Variants in PLEKHD1 observed in about 807,000 individuals in gnomAD.
PLEKHD1 encodes pleckstrin homology domain-containing family D member 1.
In PLEKHD1, 51 loss-of-function variants were observed where a neutral mutation model predicts 69.2. The observed-to-expected ratio is 0.74, with a 90% CI of 0.59 to 0.93. PLEKHD1 has a LOEUF of 0.93. PLEKHD1 is among the 40% of genes least tolerant of loss of function. PLEKHD1 has a pLI of 0.00. For synonymous variants in PLEKHD1, 236 were observed against 244.7 expected (o/e 0.96, Z 0.33); for missense variants, 584 against 641.0 (o/e 0.91, Z 0.96).
chr14:69,507,074 A>G (rs1203439555), intron 6 of PLEKHD1, among the ~76,000 whole-genome samples: 1 of 151,660 alleles, frequency 6.6e-6, no homozygotes, highest in African/African-American at 2.4e-5. Flanking sequence ...GTATTTTTAG[A>G]AGAGACGGGG....
At chr14:69,509,728 A>G (rs147099417) in intron 6 of PLEKHD1, among the ~76,000 whole-genome samples, 1,771 of 152,258 alleles carry the variant, frequency 0.012, 24 homozygotes, top group African/African-American at 0.04. Flanking sequence ...ACCTGAGGTC[A>G]GGAGTTCGAA....
In PLEKHD1 at chr14:69,526,007, A is replaced by G. The variant is rs927671844; in HGVS notation, c.808A>G (p.Thr270Ala). ...GGAGGAGAACGAGAACCACCTGCAGACACTGGCCAATCAGAGTGAGCAGCC... is the reference window on the plus strand; with the variant it reads ...GGAGGAGAACGAGAACCACCTGCAGGCACTGGCCAATCAGAGTGAGCAGCC... ...MLEENENHLQ[T>A]LANQSEQPPP... The change falls in exon 9 of 13, where the codon ACA becomes GCA. Residue 270 changes from threonine (T) to alanine (A), a missense_variant. By Grantham distance (58) the Thr-to-Ala change is moderately conservative. Coordinates refer to ENST00000322564, the MANE Select transcript of PLEKHD1 (RefSeq NM_001161498.2). The G allele has an allele frequency of 9.7e-6, 15 of 1,551,712 alleles. No individual in the cohort carries two copies. The highest frequency in any genetic ancestry group is 1.3e-5 in the Non-Finnish European group (15 of 1,146,990).
chr14:69,517,532 G>A (rs967814379), intron 6 of PLEKHD1, among the ~76,000 whole-genome samples: 5 of 152,158 alleles, frequency 3.3e-5, no homozygotes, highest in African/African-American at 9.6e-5. Context: ...GAGGGCAGGC[G>A]CAGCACTCTC....
At chr14:69,495,836 C>T (rs1015390264) in intron 1 of PLEKHD1, among the ~76,000 whole-genome samples, 1 of 152,220 alleles carries the variant, frequency 6.6e-6, no homozygotes, top group Non-Finnish European at 1.5e-5. Flanking sequence ...TCCCAATTCC[C>T]CCTAACCTGC....
the PLEKHD1 span, among the ~76,000 whole-genome samples, chr14:69,468,150 A>G: frequency 2.6e-5 from 4 of 152,244 alleles, no homozygotes; most frequent in Non-Finnish European, 4.4e-5. Context: ...GAGTTAGTTA[A>G]GACAAGGGAG....
upstream of PLEKHD1, among the ~76,000 whole-genome samples, chr14:69,482,240 A>T (rs574059646): frequency 6.6e-6 from 1 of 152,306 alleles, no homozygotes; most frequent in East Asian, 1.9e-4. Flanking sequence ...CTTCCCCAGG[A>T]TTATCTGGGC....
At chr14:69,516,204 G>A (rs553812439) in intron 6 of PLEKHD1, among the ~76,000 whole-genome samples, 33 of 152,102 alleles carry the variant, frequency 2.2e-4, no homozygotes, top group Non-Finnish European at 3.2e-4. Flanking sequence ...AAGTTCTTCC[G>A]TTCTCTTTCT....
chr14:69,484,466 T>C (rs566796317), upstream of PLEKHD1, among the ~76,000 whole-genome samples: 27 of 151,868 alleles, frequency 1.8e-4, no homozygotes, highest in African/African-American at 6.3e-4. Context: ...CGGGGTGGTG[T>C]TGGGCGCGCG....
intron 1 of PLEKHD1, among the ~76,000 whole-genome samples, 169 bp from the exon 2 acceptor site, chr14:69,499,946 C>T (rs1882984953): frequency 1.3e-5 from 2 of 152,106 alleles, no homozygotes; most frequent in Non-Finnish European, 2.9e-5. Context: ...ACGTCACTGG[C>T]CAGCTGAGGC....
At chr14:69,509,219 A>G (rs956065122) in intron 6 of PLEKHD1, among the ~76,000 whole-genome samples, 6 of 151,848 alleles carry the variant, frequency 4.0e-5, no homozygotes, top group Non-Finnish European at 8.8e-5. Context: ...CCATTTTTTT[A>G]TTGTTGAGCT....
the PLEKHD1 span, among the ~76,000 whole-genome samples, chr14:69,475,567 G>A: frequency 6.6e-6 from 1 of 152,214 alleles, no homozygotes; most frequent in Non-Finnish European, 1.5e-5. Context: ...TGGCCCTGCT[G>A]ATGAGAACAC....
chr14:69,485,336 T>C (rs1036272987), intron 1 of PLEKHD1, among the ~76,000 whole-genome samples: 10 of 152,200 alleles, frequency 6.6e-5, no homozygotes, highest in African/African-American at 2.2e-4. Context: ...AAATTCTCTA[T>C]GGAATGAACC....
rs959224049 is a variant in PLEKHD1 at position 69,528,771 on chromosome 14, G to T, written c.*352G>T. The stretch of plus-strand genomic sequence containing the variant: ...GTCTACCACTGTGCCATCAGGCAGG[G>T]TCTGCCCCACTGAGGAAGATGGCAG... On this transcript the variant is annotated 3_prime_UTR_variant, in exon 13 of 13. Transcript: ENST00000322564. 3 of 249,382 alleles carry T rather than the reference G, an allele frequency of 1.2e-5. No individual in the cohort carries two copies. The highest frequency in any genetic ancestry group is 1.5e-5 in the Non-Finnish European group (2 of 129,160). 15.4% of individuals were successfully genotyped at this position (249,382 alleles called of 1,614,324 possible).
rs138672140 is a variant in PLEKHD1, at chr14:69,516,914, G to A, written c.556-5369G>A. On this transcript the variant is annotated intron_variant, in intron 6 of 12. Coordinates refer to ENST00000322564, the MANE Select transcript of PLEKHD1 (RefSeq NM_001161498.2). ...TCGAACTCCTGAGCTCAGGCGATCC[G>A]CCTGTCTTGGCCTCCCAAAGGGCTG... Among the ~76,000 whole-genome samples, 1,017 of 152,244 alleles carry A rather than the reference G, an allele frequency of 6.7e-3. 9 individuals are homozygous for A. The highest frequency in any genetic ancestry group is 0.018 in the African/African-American group (734 of 41,548).
At chr14:69,515,317 G>A (rs1347388652) in intron 6 of PLEKHD1, among the ~76,000 whole-genome samples, 1 of 152,212 alleles carries the variant, frequency 6.6e-6, no homozygotes, top group Non-Finnish European at 1.5e-5. Context: ...ACTCACAGAA[G>A]TGAGGAGGCC....
Position 69,527,805 on chromosome 14 carries a change from G to T in PLEKHD1, c.1224G>T (p.Arg408=), listed in dbSNP as rs1322083760. Residue 408 remains arginine, a synonymous_variant, in exon 12 of 13, where the codon CGG becomes CGT. Transcript: ENST00000322564. ...CAGGGTTCTTTGAGGAGTGCATCCGGAATGCCGAGCTGGAGGCCAAGATGC... is the reference window on the plus strand; with the variant it reads ...CAGGGTTCTTTGAGGAGTGCATCCGTAATGCCGAGCTGGAGGCCAAGATGC... ...HLKRFFEECI[R]NAELEAKMPV... 2 of 1,551,494 alleles carry T rather than the reference G, an allele frequency of 1.3e-6. No individual in the cohort carries two copies. The highest frequency in any genetic ancestry group is 2.4e-5 in the East Asian group (1 of 40,918).
chr14:69,479,566 G>A, the PLEKHD1 span, among the ~76,000 whole-genome samples: 11 of 152,234 alleles, frequency 7.2e-5, no homozygotes, highest in East Asian at 9.7e-4. Context: ...CAGCTACTCC[G>A]GAGGCCAGAG....
intron 3 of PLEKHD1, 65 bp from the exon 4 acceptor site, chr14:69,500,806 C>T: frequency 6.5e-7 from 1 of 1,537,318 alleles, no homozygotes. Context: ...CAGGGCAGAG[C>T]TGGGCCTCCA....
At chr14:69,501,228 C>T (rs2139506143) in intron 4 of PLEKHD1, 1 of 511,928 alleles carries the variant, frequency 2.0e-6, no homozygotes, top group East Asian at 3.4e-5. Context: ...ACCCATCTCA[C>T]CTCCCCAGGC....
Sources: gnomAD v4.1 joint callset for allele counts (sites outside exome capture counted in the v4.1 genomes callset) on GRCh38, gnomAD v4.1.1 for gene constraint, MANE v1.5 for transcripts, NCBI Gene and HGNC (gene_info 2026-07-23, HGNC 2026-07-21) for gene names.